The following MYO3B variants were observed in gnomAD, a reference collection of about 807,000 sequenced individuals.
MYO3B encodes the protein myosin IIIB, also known as myosin-IIIb.
A neutral mutation model predicts 174.6 loss-of-function variants in MYO3B; 156 were observed. The observed-to-expected ratio is 0.89, with a 90% CI of 0.78 to 1.02. The LOEUF (loss-of-function observed/expected upper bound fraction) is 1.02. Among genes scored for constraint, MYO3B ranks in the 50% least tolerant of loss-of-function variants. MYO3B has a pLI of 0.00. For synonymous variants in MYO3B, 563 were observed against 569.1 expected, an observed-to-expected ratio of 0.99 and a Z score of 0.15; for missense variants, 1,632 against 1,639.4, an observed-to-expected ratio of 1.00 and a Z score of 0.08.
chr2:170,245,914 G>T (rs151174535), intron 7 of MYO3B, among the ~76,000 whole-genome samples: 23 of 152,094 alleles, frequency 1.5e-4, no homozygotes, highest in Middle Eastern at 3.4e-3. Context: ...ATGTACCCTA[G>T]AACTTAAAGT....
intron 24 of MYO3B, among the ~76,000 whole-genome samples, chr2:170,464,673 A>G (rs534022391): frequency 6.7e-4 from 102 of 152,252 alleles, no homozygotes; most frequent in African/African-American, 2.3e-3. Context: ...TATTCCATCC[A>G]TGCATTGAGT....
At chr2:170,247,335 G>A (rs1378157541) in intron 7 of MYO3B, among the ~76,000 whole-genome samples, 2 of 152,158 alleles carry the variant, frequency 1.3e-5, no homozygotes, top group Admixed American at 6.5e-5. Flanking sequence ...CTGGGCAAGG[G>A]TCAAGCACCT....
At chr2:170,609,527 A>G (rs545109239) in intron 32 of MYO3B, among the ~76,000 whole-genome samples, 1 of 152,220 alleles carries the variant, frequency 6.6e-6, no homozygotes, top group South Asian at 2.1e-4. Context: ...AGAGACAACT[A>G]TGTAAGTTAC....
chr2:170,504,034 T>C (rs1246227378), intron 28 of MYO3B, among the ~76,000 whole-genome samples: 4 of 152,214 alleles, frequency 2.6e-5, no homozygotes, highest in Non-Finnish European at 5.9e-5. Context: ...CATTCCGACG[T>C]TTCTGTTTGG....
At chr2:170,423,935 C>T (rs953266019) in intron 22 of MYO3B, among the ~76,000 whole-genome samples, 3 of 152,128 alleles carry the variant, frequency 2.0e-5, no homozygotes, top group Non-Finnish European at 4.4e-5. Flanking sequence ...TAGAAGTGTT[C>T]CATATTATCA....
chr2:170,392,863 G>GTTTTTGTT (rs761683975), intron 16 of MYO3B, among the ~76,000 whole-genome samples: 4 of 150,262 alleles, frequency 2.7e-5, no homozygotes, highest in Non-Finnish European at 5.9e-5. Context: ...AATACTGTGG[G>GTTTTTGTT]TTTTTTTTCT....
intron 16 of MYO3B, among the ~76,000 whole-genome samples, chr2:170,395,945 A>G (rs1574910578): frequency 6.6e-6 from 1 of 152,242 alleles, no homozygotes; most frequent in East Asian, 1.9e-4. Context: ...AGAGAATACT[A>G]CATCAAAAGA....
chr2:170,591,033 T>A (rs1016436055), intron 32 of MYO3B, among the ~76,000 whole-genome samples: 11 of 152,234 alleles, frequency 7.2e-5, no homozygotes, highest in Non-Finnish European at 1.5e-4. Flanking sequence ...AGATTTGCTC[T>A]CAACGTTTAA....
intron 6 of MYO3B, among the ~76,000 whole-genome samples, chr2:170,234,352 C>T (rs1574628369): frequency 6.6e-6 from 1 of 152,140 alleles, no homozygotes; most frequent in South Asian, 2.1e-4. Context: ...CTGGTGTGGG[C>T]CTTCATACTA....
At chr2:170,191,741 G>A (rs756543680) in intron 1 of MYO3B, among the ~76,000 whole-genome samples, 3 of 152,186 alleles carry the variant, frequency 2.0e-5, no homozygotes, top group African/African-American at 4.8e-5. Flanking sequence ...AAGATTGTCT[G>A]TCCTACCCTC....
intron 25 of MYO3B, among the ~76,000 whole-genome samples, chr2:170,486,747 T>G (rs984101585): frequency 6.6e-6 from 1 of 152,198 alleles, no homozygotes; most frequent in Non-Finnish European, 1.5e-5. Flanking sequence ...TTGAATAGAT[T>G]CAGTGTTTAT....
In MYO3B at chr2:170,407,745, A is replaced by T. The variant is rs1388716228; in HGVS notation, c.2551A>T (p.Lys851Ter). Residue 851 changes from lysine (K) to a stop codon, truncating the protein, a stop_gained, in exon 22 of 35, where the codon AAA becomes TAA. Coordinates refer to ENST00000408978, the MANE Select transcript of MYO3B (RefSeq NM_138995.5). LOFTEE classifies it high-confidence loss of function. ...ATATGATGCTTCTGGGGTTCTTGAGAAAAATAGAGACACTCTCCCTGCCGA... is the reference window on the plus strand; with the variant it reads ...ATATGATGCTTCTGGGGTTCTTGAGTAAAATAGAGACACTCTCCCTGCCGA... ...VLYDASGVLE[K>*]NRDTLPADVV... 5.0e-6 allele frequency: 8 copies of T among 1,613,920 alleles called. No individual in the cohort carries two copies. In the Admixed American group the frequency reaches 1.3e-4, roughly 27 times the overall value.
chr2:170,550,383 A>G (rs1263779327), intron 32 of MYO3B, among the ~76,000 whole-genome samples: 6 of 152,242 alleles, frequency 3.9e-5, no homozygotes, highest in Non-Finnish European at 2.9e-5. Flanking sequence ...TAGTTAAGAC[A>G]GACTGCTGAA....
intron 7 of MYO3B, among the ~76,000 whole-genome samples, chr2:170,249,847 C>T (rs2093232110): frequency 6.6e-6 from 1 of 152,290 alleles, no homozygotes; most frequent in Non-Finnish European, 1.5e-5. Context: ...GAGACCTTCA[C>T]AAAATGGACA....
chr2:170,258,783 A>C (rs542797032), intron 7 of MYO3B, among the ~76,000 whole-genome samples: 4 of 152,174 alleles, frequency 2.6e-5, no homozygotes, highest in Non-Finnish European at 5.9e-5. Flanking sequence ...CTCTTCACTG[A>C]TGATATGATT....
At chr2:170,330,248 G>A (rs1267225637) in intron 7 of MYO3B, among the ~76,000 whole-genome samples, 1 of 152,084 alleles carries the variant, frequency 6.6e-6, no homozygotes, top group East Asian at 1.9e-4. Flanking sequence ...TTTAATGTTT[G>A]AGGGCTTCAT....
At chr2:170,475,067 AC>A (rs1685236343) in intron 25 of MYO3B, among the ~76,000 whole-genome samples, 1 of 152,156 alleles carries the variant, frequency 6.6e-6, no homozygotes, top group African/African-American at 2.4e-5. Context: ...TTCCAGCTCC[AC>A]TTCACTAAGG....
intron 7 of MYO3B, among the ~76,000 whole-genome samples, chr2:170,312,120 A>C (rs1401286): frequency 0.7 from 105,910 of 152,108 alleles, 39,724 homozygotes; most frequent in East Asian, 0.92. Flanking sequence ...TCTTTGCACA[A>C]CCTCTTCTAC....
chr2:170,585,269 T>A (rs1310032844), intron 32 of MYO3B, among the ~76,000 whole-genome samples: 1 of 152,152 alleles, frequency 6.6e-6, no homozygotes, highest in Non-Finnish European at 1.5e-5. Flanking sequence ...AAATAATGCA[T>A]CCCAGGTGAG....
Sources: allele counts gnomAD v4.1 joint callset (sites outside exome capture counted in the v4.1 genomes callset), GRCh38; gene constraint gnomAD v4.1.1; transcripts MANE v1.5; gene names NCBI Gene and HGNC (gene_info 2026-07-23, HGNC 2026-07-21).